The following CENPP variants were observed in gnomAD, a reference collection of about 807,000 sequenced individuals.
The protein encoded by CENPP is centromere protein P.
In CENPP, 24 loss-of-function variants were observed where a neutral mutation model predicts 35.6. The observed-to-expected ratio is 0.67, with a 90% confidence interval of 0.49 to 0.95. The LOEUF is 0.95. CENPP is among the 40% of genes least tolerant of loss of function. CENPP has a pLI of 0.00. For synonymous variants in CENPP, 120 were observed against 125.5 expected (o/e 0.96, Z 0.29); for missense variants, 332 against 345.3 (o/e 0.96, Z 0.31).
At chr9:92,501,300 C>T (rs1846657813) in intron 5 of CENPP, among the ~76,000 whole-genome samples, 1 of 152,106 alleles carries the variant, frequency 6.6e-6, no homozygotes, top group African/African-American at 2.4e-5. Context: ...GCATCAAAGA[C>T]TAGGAGGGAA....
At chr9:92,543,810 G>A (rs1045334485) in intron 5 of CENPP, among the ~76,000 whole-genome samples, 1 of 152,160 alleles carries the variant, frequency 6.6e-6, no homozygotes, top group East Asian at 1.9e-4. Flanking sequence ...CGTATCTATT[G>A]TAAATTTTCT....
At chr9:92,470,706 A>G in intron 5 of CENPP, 1 of 1,589,934 alleles carries the variant, frequency 6.3e-7, no homozygotes, top group Non-Finnish European at 8.6e-7. Context: ...ATTTTCTTTG[A>G]TTTCCTTAAT....
chr9:92,510,081 T>C, intron 5 of CENPP: 1 of 1,553,474 alleles, frequency 6.4e-7, no homozygotes, highest in Non-Finnish European at 8.6e-7. Flanking sequence ...GTCACAGCTG[T>C]GCAGTCACAT....
At chr9:92,567,397 G>GATATATATATATATATATAT (rs762810461) in intron 5 of CENPP, among the ~76,000 whole-genome samples, 4 of 51,590 alleles carry the variant, frequency 7.8e-5, no homozygotes, top group Admixed American at 1.8e-4. Context: ...TATATATATA[G>GATATATATATATATATATAT]ATATATATAT....
chr9:92,608,922 T>C (rs1851156781), intron 5 of CENPP, among the ~76,000 whole-genome samples: 1 of 152,250 alleles, frequency 6.6e-6, no homozygotes, highest in African/African-American at 2.4e-5. Context: ...TCCCTTGTGC[T>C]TGGAGGCTGA....
At chr9:92,569,754 G>C (rs563531337) in intron 5 of CENPP, among the ~76,000 whole-genome samples, 6 of 151,904 alleles carry the variant, frequency 3.9e-5, no homozygotes, top group African/African-American at 7.3e-5. Context: ...TTTTTATTTC[G>C]TTGAGCAGTG....
intron 5 of CENPP, among the ~76,000 whole-genome samples, chr9:92,560,185 A>G: frequency 6.6e-6 from 1 of 152,160 alleles, no homozygotes; most frequent in Non-Finnish European, 1.5e-5. Context: ...GAAAAACGTA[A>G]TCCGTCATAG....
intron 5 of CENPP, among the ~76,000 whole-genome samples, chr9:92,393,920 T>A (rs1842788559): frequency 6.6e-6 from 1 of 152,136 alleles, no homozygotes; most frequent in East Asian, 1.9e-4. Flanking sequence ...ATGATATCTG[T>A]TTATCCCATT....
intron 5 of CENPP, among the ~76,000 whole-genome samples, chr9:92,449,640 T>G (rs10820975): frequency 0.41 from 61,569 of 151,828 alleles, 14,602 homozygotes; most frequent in African/African-American, 0.66. Flanking sequence ...TGTTGGAGGT[T>G]GGGCCTGGTG....
chr9:92,352,773 T>G (rs890110270), intron 4 of CENPP, among the ~76,000 whole-genome samples: 3 of 151,644 alleles, frequency 2.0e-5, no homozygotes, highest in African/African-American at 7.3e-5. Flanking sequence ...GGCAGCTGAT[T>G]AGATAGTGCC....
intron 5 of CENPP, among the ~76,000 whole-genome samples, chr9:92,540,008 A>AT (rs1563995131): frequency 2.0e-5 from 3 of 152,140 alleles, no homozygotes; most frequent in Admixed American, 1.3e-4. Context: ...CTGCCACTTT[A>AT]TTTTTTAAAC....
intron 5 of CENPP, chr9:92,522,590 A>G (rs1563984375): frequency 1.2e-6 from 2 of 1,612,518 alleles, no homozygotes; most frequent in Non-Finnish European, 1.7e-6. Context: ...AACACATTAT[A>G]ACTTGATTCT....
At chr9:92,453,261 A>G (rs1338267020) in intron 5 of CENPP, among the ~76,000 whole-genome samples, 2 of 151,946 alleles carry the variant, frequency 1.3e-5, no homozygotes, top group South Asian at 2.1e-4. Flanking sequence ...CCCTCTACAC[A>G]CTGCTTTGAA....
intron 5 of CENPP, chr9:92,496,594 C>A: frequency 7.5e-7 from 1 of 1,333,032 alleles, no homozygotes; most frequent in East Asian, 2.7e-5. Flanking sequence ...AAGTTGGATC[C>A]TTATAGACCA....
At position 92,521,651 on chromosome 9, in the gene CENPP, C is replaced by G. The variant is rs545638244; in HGVS notation, c.565-89663C>G. On this transcript the variant is annotated intron_variant, in intron 5 of 7. Coordinates refer to ENST00000375587, the MANE Select transcript of CENPP (RefSeq NM_001012267.3). ...CTTCCAAATTTGGAAAAATGTAAAC[C>G]ATTTAATACGTTTTTAAAAATGCCT... 5.3e-5 allele frequency among the ~76,000 whole-genome samples: 8 copies of G among 152,138 alleles called. No individual in the cohort carries two copies. The South Asian group carries it at 1.7e-3, about 32-fold the overall frequency.
chr9:92,555,530 G>T (rs1053244670), intron 5 of CENPP, among the ~76,000 whole-genome samples: 2 of 152,046 alleles, frequency 1.3e-5, no homozygotes, highest in Non-Finnish European at 2.9e-5. Flanking sequence ...CGCCTGGCCA[G>T]TAATTTTTTA....
intron 5 of CENPP, among the ~76,000 whole-genome samples, chr9:92,545,677 C>T (rs1177511519): frequency 1.3e-5 from 2 of 152,236 alleles, no homozygotes; most frequent in Admixed American, 6.5e-5. Flanking sequence ...CAGCCTGGTG[C>T]GGGATCCACT....
At chr9:92,578,378 G>A (rs1850336829) in intron 5 of CENPP, among the ~76,000 whole-genome samples, 1 of 152,152 alleles carries the variant, frequency 6.6e-6, no homozygotes, top group Non-Finnish European at 1.5e-5. Context: ...TTGCCACACT[G>A]ACTTCCACAA....
At chr9:92,329,251 C>T (rs1840663645) in intron 1 of CENPP, among the ~76,000 whole-genome samples, 1 of 147,886 alleles carries the variant, frequency 6.8e-6, no homozygotes, top group African/African-American at 2.5e-5. Context: ...GTGGCGCAAC[C>T]TCAGCTCACT....
Sources: gnomAD v4.1 joint callset for allele counts (sites outside exome capture counted in the v4.1 genomes callset) on GRCh38, gnomAD v4.1.1 for gene constraint, MANE v1.5 for transcripts, NCBI Gene and HGNC (gene_info 2026-07-23, HGNC 2026-07-21) for gene names.